Variants in BCL2L14 observed in about 807,000 individuals in gnomAD.
BCL2L14 encodes apoptosis facilitator Bcl-2-like protein 14.
In BCL2L14, 27 loss-of-function variants were observed where a neutral mutation model predicts 35.3. That is an observed-to-expected ratio of 0.76 (90% CI 0.56 to 1.05). The LOEUF (loss-of-function observed/expected upper bound fraction) is 1.05, where lower values mean the gene tolerates loss of function less well. Among genes scored for constraint, BCL2L14 ranks in the 50% least tolerant of loss-of-function variants. BCL2L14 has a pLI of 0.00. For synonymous variants in BCL2L14, 139 were observed against 145.9 expected, an observed-to-expected ratio of 0.95 and a Z score of 0.34; for missense variants, 377 against 382.6, an observed-to-expected ratio of 0.99 and a Z score of 0.12.
intron 1 of BCL2L14, chr12:12,077,924 T>A (rs1948818701): frequency 2.4e-6 from 1 of 418,348 alleles, no homozygotes; most frequent in Admixed American, 2.8e-5. Context: ...GGAAACAGAT[T>A]ATTAGCAAAA....
At chr12:12,083,164 T>C (rs1641723) in intron 2 of BCL2L14, among the ~76,000 whole-genome samples, 150,040 of 152,210 alleles carry the variant, frequency 0.99, 73,993 homozygotes, top group East Asian at 1. Flanking sequence ...CAGGGTTTCA[T>C]CGTGTTAGCC....
chr12:12,053,902 A>C (rs2927909), intron 2 of BCL2L14, among the ~76,000 whole-genome samples: 123,069 of 152,032 alleles, frequency 0.81, 49,928 homozygotes, highest in East Asian at 0.98. Context: ...ATCAGTTCAA[A>C]CTAAATGTTG....
chr12:12,083,013 G>A (rs1380523059), intron 2 of BCL2L14, among the ~76,000 whole-genome samples: 2 of 152,142 alleles, frequency 1.3e-5, no homozygotes, highest in South Asian at 4.1e-4. Context: ...CACCCAGGCT[G>A]GAGTGCAGTG....
chr12:12,061,270 T>G (rs1232135665), intron 2 of BCL2L14, among the ~76,000 whole-genome samples: 1 of 151,750 alleles, frequency 6.6e-6, no homozygotes, highest in East Asian at 1.9e-4. Context: ...TCTCCCCACC[T>G]TAACCCACAA....
intron 1 of BCL2L14, among the ~76,000 whole-genome samples, chr12:12,075,064 C>T (rs1948749940): frequency 6.6e-6 from 1 of 152,000 alleles, no homozygotes; most frequent in South Asian, 2.1e-4. Context: ...AATAAAGATC[C>T]ACTCATGACA....
chr12:12,053,604 G>C (rs530484532), intron 2 of BCL2L14, among the ~76,000 whole-genome samples: 60 of 152,260 alleles, frequency 3.9e-4, no homozygotes, highest in African/African-American at 1.4e-3. Context: ...ATTTTTAGTA[G>C]AGATGGGGTT....
chr12:12,077,770 CA>C (rs1341956786), intron 1 of BCL2L14: 3 of 208,112 alleles, frequency 1.4e-5, no homozygotes, highest in African/African-American at 6.8e-5. Flanking sequence ...CTGGCATGGC[CA>C]CAATCTGAAT....
At chr12:12,065,459 C>T (rs1273238833) in intron 2 of BCL2L14, among the ~76,000 whole-genome samples, 1 of 151,156 alleles carries the variant, frequency 6.6e-6, no homozygotes, top group Non-Finnish European at 1.5e-5. Context: ...TCGCTTGAAC[C>T]GGGGAGGCGG....
intron 4 of BCL2L14, among the ~76,000 whole-genome samples, chr12:12,093,559 G>A (rs563967289): frequency 3.4e-4 from 51 of 152,124 alleles, no homozygotes; most frequent in Non-Finnish European, 5.3e-4. Context: ...TTGGGAGGCC[G>A]AGGCAGGTGG....
chr12:12,051,938 TAAG>T (rs1415442459), intron 2 of BCL2L14: 2 of 152,218 alleles, frequency 1.3e-5, no homozygotes, highest in Non-Finnish European at 2.9e-5. Flanking sequence ...GGAAAGGTTC[TAAG>T]AAGAAGTGGA....
At chr12:12,061,100 T>A (rs56058551) in intron 2 of BCL2L14, among the ~76,000 whole-genome samples, 1 of 107,058 alleles carries the variant, frequency 9.3e-6, no homozygotes, top group African/African-American at 3.7e-5. Flanking sequence ...AATACTCTTT[T>A]AAGCACTCCT....
At chr12:12,095,278 AC>A in intron 5 of BCL2L14, 1 of 985,382 alleles carries the variant, frequency 1.0e-6, no homozygotes, top group Non-Finnish European at 1.2e-6. Flanking sequence ...TGGCAGGGAG[AC>A]AAGGGCAGGC....
chr12:12,089,985 A>G (rs1420768227), intron 3 of BCL2L14, among the ~76,000 whole-genome samples: 1 of 152,216 alleles, frequency 6.6e-6, no homozygotes, highest in Admixed American at 6.5e-5. Context: ...TCTCTTAGAT[A>G]TGGGCCACAA....
intron 4 of BCL2L14, among the ~76,000 whole-genome samples, chr12:12,091,507 G>A (rs1295546315): frequency 2.0e-5 from 3 of 152,230 alleles, no homozygotes; most frequent in Non-Finnish European, 4.4e-5. Context: ...CGACTGAGTA[G>A]TCTCTAGAAT....
chr12:12,077,753 C>G (rs1340973530), intron 1 of BCL2L14: 2 of 204,930 alleles, frequency 9.8e-6, no homozygotes, highest in Non-Finnish European at 2.1e-5. Flanking sequence ...GGTCACAAAA[C>G]TAGTCACTGG....
intron 2 of BCL2L14, among the ~76,000 whole-genome samples, chr12:12,059,686 C>T (rs1166354857): frequency 6.6e-6 from 1 of 151,824 alleles, no homozygotes; most frequent in African/African-American, 2.4e-5. Flanking sequence ...TTCCACCTTC[C>T]ATTCCTCCTT....
chr12:12,075,817 G>C (rs1948769152), intron 1 of BCL2L14, among the ~76,000 whole-genome samples: 1 of 151,976 alleles, frequency 6.6e-6, no homozygotes, highest in Admixed American at 6.6e-5. Context: ...CCGGCCATTT[G>C]TCTTGCAGAA....
intron 2 of BCL2L14, among the ~76,000 whole-genome samples, chr12:12,057,937 G>A (rs1399372231): frequency 8.3e-6 from 1 of 121,210 alleles, no homozygotes; most frequent in Non-Finnish European, 1.8e-5. Flanking sequence ...TAAGTCTTTT[G>A]TGTGTTTGTC....
At position 12,058,569 on chromosome 12, in the gene BCL2L14, A is replaced by AAGCTCCCCC. The variant is rs561334698; in HGVS notation, c.-272+6724_-272+6732dup. Reference sequence around the variant, plus strand: ...CTTCTCCTGGCTCATCCTGGCTCAAAAGCTCCCCCACTGAGTACCTTGTGA... The same window carrying AAGCTCCCCC: ...CTTCTCCTGGCTCATCCTGGCTCAAAAGCTCCCCCAGCTCCCCCACTGAGTACCTTGTGA... On this transcript the variant is annotated intron_variant, in intron 2 of 3. Coordinates refer to the BCL2L14 transcript ENST00000461264. Among the ~76,000 whole-genome samples, 405 of 151,932 alleles carry AAGCTCCCCC rather than the reference A, an allele frequency of 2.7e-3. 1 individual carries two copies. Among genetic ancestry groups the AAGCTCCCCC allele is most frequent in the African/African-American group, 9.3e-3 (385 of 41,392 alleles).
Sources: gnomAD v4.1 joint callset for allele counts (sites outside exome capture counted in the v4.1 genomes callset) on GRCh38, gnomAD v4.1.1 for gene constraint, MANE v1.5 for transcripts, NCBI Gene and HGNC (gene_info 2026-07-23, HGNC 2026-07-21) for gene names.